The following ADAM9 variants were observed in gnomAD, a reference collection of about 807,000 sequenced individuals.
The protein encoded by ADAM9 is disintegrin and metalloproteinase domain-containing protein 9.
Under a neutral mutation model 108.1 loss-of-function variants are expected in ADAM9, and 54 were observed. That is an observed-to-expected ratio of 0.50 (90% CI 0.40 to 0.63). ADAM9 has a LOEUF of 0.63. ADAM9 is among the 20% of genes least tolerant of loss of function. The probability of loss-of-function intolerance (pLI) is 0.00; values close to 1 mark genes in which losing one functional copy is unlikely to be tolerated. For missense variants in ADAM9, 830 were observed against 997.7 expected, an observed-to-expected ratio of 0.83 and a Z score of 2.26; for synonymous variants, 316 against 336.0, an observed-to-expected ratio of 0.94 and a Z score of 0.65.
intron 2 of ADAM9, among the ~76,000 whole-genome samples, chr8:39,009,344 A>G (rs1220383438): frequency 1.3e-5 from 2 of 152,208 alleles, no homozygotes; most frequent in East Asian, 1.9e-4. Flanking sequence ...GGTTCAAGTG[A>G]TTCTCGTGCC....
At chr8:39,101,274 T>G (rs1839687103) in intron 20 of ADAM9, among the ~76,000 whole-genome samples, 1 of 152,304 alleles carries the variant, frequency 6.6e-6, no homozygotes, top group Admixed American at 6.5e-5. Context: ...ACCCCTAATC[T>G]GAAAATCCAA....
chr8:39,000,233 C>T (rs1270622030), intron 1 of ADAM9, among the ~76,000 whole-genome samples: 3 of 152,072 alleles, frequency 2.0e-5, no homozygotes, highest in African/African-American at 7.2e-5. Context: ...ACCTCGTGAT[C>T]CGCCCACCTC....
Position 39,084,333 on chromosome 8 carries a change from C to CTT in ADAM9, c.2068+1272_2068+1273dup, listed in dbSNP as rs78636829. Among the ~76,000 whole-genome samples, 1,088 of 140,212 alleles carry CTT rather than the reference C, an allele frequency of 7.8e-3. 3 individuals are homozygous for CTT. Among genetic ancestry groups the CTT allele is most frequent in the Non-Finnish European group, 0.011 (702 of 64,126 alleles). The allele number at this position is 140,212 out of a possible 152,430, so 92.0% of individuals were successfully genotyped here. A position where few individuals can be genotyped will look rare whatever the true frequency, so the allele number is the denominator to read the frequency against. On this transcript the variant is annotated intron_variant, in intron 18 of 21. Transcript: ENST00000487273. The stretch of plus-strand genomic sequence containing the variant: ...TTCTTAAGGTGGAGGATGAGGTCAT[C>CTT]TTTTTTTTTTTTTCTGATACAGACA...
chr8:39,026,959 CTT>C (rs376324160), intron 11 of ADAM9, 149 bp downstream of exon 11: 7,201 of 706,172 alleles, frequency 0.01, no homozygotes, highest in East Asian at 0.012. Context: ...AATGAGAAGT[CTT>C]TTTTTTTTTT....
intron 18 of ADAM9, 81 bp from the exon 19 acceptor site, chr8:39,089,966 A>G: frequency 7.2e-7 from 1 of 1,385,340 alleles, no homozygotes; most frequent in Non-Finnish European, 1.0e-6. Flanking sequence ...TGTGAAAATT[A>G]ATGTAAAGTG....
chr8:39,005,874 T>C (rs541350092), intron 1 of ADAM9, among the ~76,000 whole-genome samples: 1 of 152,342 alleles, frequency 6.6e-6, no homozygotes, highest in African/African-American at 2.4e-5. Flanking sequence ...ATTTGCCACA[T>C]AGGCACTTTT....
chr8:39,016,258 C>T (rs1836523591), intron 5 of ADAM9, 64 bp downstream of exon 5: 1 of 1,416,370 alleles, frequency 7.1e-7, no homozygotes, highest in Non-Finnish European at 1.0e-6. Context: ...TTTCCTGTTT[C>T]TGTCTCCAAA....
chr8:39,056,877 G>T (rs984600703), intron 14 of ADAM9, among the ~76,000 whole-genome samples: 1 of 152,090 alleles, frequency 6.6e-6, no homozygotes, highest in Admixed American at 6.5e-5. Flanking sequence ...GTTAGTTAGG[G>T]TTCTCTAGAG....
intron 14 of ADAM9, among the ~76,000 whole-genome samples, chr8:39,066,231 T>A (rs1379513065): frequency 6.6e-6 from 1 of 152,240 alleles, no homozygotes; most frequent in Non-Finnish European, 1.5e-5. Flanking sequence ...TATGTCTTTA[T>A]AGCAGCATGA....
rs1004405806 is a variant in ADAM9, at chr8:39,104,209, T to C, written c.*509T>C. ...ATAATCATCATACTCTAGAATCTTG[T>C]CTGTCACTCACTACATGAATAAGCA... is the stretch of plus-strand genomic sequence containing the variant. On this transcript the variant is annotated 3_prime_UTR_variant, in exon 22 of 22. Coordinates refer to ENST00000487273, the MANE Select transcript of ADAM9 (RefSeq NM_003816.3). 4 of 453,978 alleles carry C rather than the reference T, an allele frequency of 8.8e-6. No individual in the cohort carries two copies. Among genetic ancestry groups the C allele is most frequent in the Non-Finnish European group, 1.3e-5 (3 of 226,788 alleles). The allele number at this position is 453,978 out of a possible 1,614,324, so 28.1% of individuals were successfully genotyped here. A position where few individuals can be genotyped will look rare whatever the true frequency, so the allele number is the denominator to read the frequency against.
At chr8:39,005,021 A>C (rs1206993980) in intron 1 of ADAM9, among the ~76,000 whole-genome samples, 3 of 152,220 alleles carry the variant, frequency 2.0e-5, no homozygotes, top group Non-Finnish European at 4.4e-5. Flanking sequence ...GCAGCCCAGT[A>C]GGTCTCAGCC....
chr8:39,045,367 T>C lies in ADAM9; in HGVS notation c.1302+3250T>C, dbSNP rs546768064. Reference sequence around the variant, plus strand: ...ACATGTGTGTACATACATATAGGTGTGTGTACATACACCTATAGGTGTGTG... The same window carrying C: ...ACATGTGTGTACATACATATAGGTGCGTGTACATACACCTATAGGTGTGTG... On this transcript the variant is annotated intron_variant, in intron 12 of 21. Coordinates refer to ENST00000487273, the MANE Select transcript of ADAM9 (RefSeq NM_003816.3). Among the ~76,000 whole-genome samples the C allele has an allele frequency of 2.0e-4, 24 of 121,084 alleles. 3 individuals are homozygous for C. The highest frequency in any genetic ancestry group is 6.3e-4 in the African/African-American group (21 of 33,282). 79.4% of individuals were successfully genotyped at this position (121,084 alleles called of 152,430 possible).
At chr8:39,079,901 T>TTA (rs1427266795) in intron 16 of ADAM9, among the ~76,000 whole-genome samples, 2 of 152,248 alleles carry the variant, frequency 1.3e-5, no homozygotes, top group Admixed American at 1.3e-4. Flanking sequence ...TATCATGAAA[T>TTA]TATATCAGTC....
intron 12 of ADAM9, among the ~76,000 whole-genome samples, chr8:39,045,387 T>TGC (rs764213878): frequency 0.037 from 1,716 of 46,304 alleles, 229 homozygotes; most frequent in Non-Finnish European, 0.051. Context: ...CACCTATAGG[T>TGC]GTGTGTACAC....
At chr8:39,024,532 C>T (rs1429828829) in intron 9 of ADAM9, among the ~76,000 whole-genome samples, 1 of 152,150 alleles carries the variant, frequency 6.6e-6, no homozygotes, top group Non-Finnish European at 1.5e-5. Flanking sequence ...CATTTTGGGG[C>T]CTATGAGTTC....
rs192383820 is a variant in ADAM9, at chr8:39,036,280, A to G, written c.1131-5666A>G. Reference sequence around the variant, plus strand: ...ATGGCTTTCTTAACTCTGCCCCTCAATGTCAGCAAGCTTCCATCAGCAAGC... The same window carrying G: ...ATGGCTTTCTTAACTCTGCCCCTCAGTGTCAGCAAGCTTCCATCAGCAAGC... On this transcript the variant is annotated intron_variant, in intron 11 of 21. Coordinates refer to ENST00000487273, the MANE Select transcript of ADAM9 (RefSeq NM_003816.3). 2.0e-3 allele frequency among the ~76,000 whole-genome samples: 297 copies of G among 152,226 alleles called. 2 individuals carry two copies. The highest frequency in any genetic ancestry group is 6.7e-3 in the African/African-American group (277 of 41,528).
At chr8:39,051,420 T>G (rs921342859) in intron 12 of ADAM9, among the ~76,000 whole-genome samples, 1 of 152,210 alleles carries the variant, frequency 6.6e-6, no homozygotes, top group Non-Finnish European at 1.5e-5. Context: ...GGGAATTGAT[T>G]AGTGTGTTAC....
intron 11 of ADAM9, among the ~76,000 whole-genome samples, chr8:39,031,687 C>T (rs1383930477): frequency 3.3e-5 from 5 of 152,174 alleles, no homozygotes; most frequent in Non-Finnish European, 5.9e-5. Context: ...AGCTTTGTTC[C>T]GTTGCTGGCG....
intron 12 of ADAM9, among the ~76,000 whole-genome samples, chr8:39,045,519 T>G (rs1351336528): frequency 6.7e-6 from 1 of 148,424 alleles, no homozygotes. Context: ...TGTACATACA[T>G]ATATATGTGC....
Sources: allele counts gnomAD v4.1 joint callset (sites outside exome capture counted in the v4.1 genomes callset), GRCh38; gene constraint gnomAD v4.1.1; transcripts MANE v1.5; gene names NCBI Gene and HGNC (gene_info 2026-07-23, HGNC 2026-07-21).